The following LCMT1 variants were observed in gnomAD, a reference collection of about 807,000 sequenced individuals.
LCMT1 encodes the protein [Phosphatase 2A protein]-leucine-carboxy methyltransferase 1.
Under a neutral mutation model 47.7 loss-of-function variants are expected in LCMT1, and 32 were observed. The ratio of observed to expected loss-of-function variants is 0.67; its 90% confidence interval spans 0.51 to 0.90. The LOEUF (loss-of-function observed/expected upper bound fraction) is 0.90, where lower values mean the gene tolerates loss of function less well. Among genes scored for constraint, LCMT1 ranks in the 40% least tolerant of loss-of-function variants. The probability of loss-of-function intolerance (pLI) is 0.00; values close to 1 mark genes in which losing one functional copy is unlikely to be tolerated. For missense variants in LCMT1, 375 were observed against 415.2 expected (o/e 0.90, Z 0.84); for synonymous variants, 152 against 149.7 (o/e 1.02, Z -0.11).
At chr16:25,135,308 T>C (rs905461263) in intron 3 of LCMT1, among the ~76,000 whole-genome samples, 2 of 150,948 alleles carry the variant, frequency 1.3e-5, no homozygotes, top group Admixed American at 1.3e-4. Context: ...TATATATATA[T>C]AACATTTGTT....
intron 10 of LCMT1, among the ~76,000 whole-genome samples, chr16:25,175,280 A>G (rs1005867737): frequency 6.6e-6 from 1 of 151,820 alleles, no homozygotes; most frequent in Non-Finnish European, 1.5e-5. Context: ...GGACTACAGG[A>G]GCCTGGCTAA....
rs546803784 is a variant in LCMT1, at chr16:25,168,451, T to G, written c.691-661T>G. On this transcript the variant is annotated intron_variant, in intron 7 of 10. Transcript: ENST00000399069. Reference sequence around the variant, plus strand: ...TATAATTTTGGGTTTTTTAGATTAGTTTTTGTAATTTAAAAAGTAATACCA... The same window carrying G: ...TATAATTTTGGGTTTTTTAGATTAGGTTTTGTAATTTAAAAAGTAATACCA... Among the ~76,000 whole-genome samples the G allele has an allele frequency of 2.5e-3, 378 of 152,338 alleles. 1 individual carries two copies. Among genetic ancestry groups the G allele is most frequent in the South Asian group, 0.011 (51 of 4,828 alleles).
intron 5 of LCMT1, among the ~76,000 whole-genome samples, chr16:25,154,755 G>A (rs531475912): frequency 6.7e-5 from 10 of 149,470 alleles, no homozygotes; most frequent in African/African-American, 2.6e-4. Context: ...CCCAAAGTGC[G>A]GGATTATAGG....
Position 25,161,203 on chromosome 16 carries a change from CA to C in LCMT1, c.569del (p.Gln190HisfsTer6). ...GCTAAAGAAATGTAACATGAATACA[CA>C]GTGAGATTTTTTTTTTTAAACCTCT... is the stretch of plus-strand genomic sequence containing the variant. ...EKLKKCNMNT[Q>X]LPTLLIAECV... is the part of the protein sequence containing the mutation. On this transcript the variant is annotated frameshift_variant and splice_region_variant, in exon 6 of 11. Transcript: ENST00000399069. LOFTEE classifies it high-confidence loss of function. 1 of 1,574,468 alleles carries C rather than the reference CA, an allele frequency of 6.4e-7. No individual in the cohort carries two copies. Among genetic ancestry groups the C allele is most frequent in the Non-Finnish European group, 8.7e-7 (1 of 1,155,402 alleles).
At chr16:25,149,672 G>A (rs1035302462) in intron 4 of LCMT1, among the ~76,000 whole-genome samples, 1 of 152,200 alleles carries the variant, frequency 6.6e-6, no homozygotes, top group African/African-American at 2.4e-5. Flanking sequence ...CCAGCACTTT[G>A]GAAGGCCAAG....
At chr16:25,126,674 G>A (rs1188288249) in intron 1 of LCMT1, among the ~76,000 whole-genome samples, 1 of 152,210 alleles carries the variant, frequency 6.6e-6, no homozygotes, top group Non-Finnish European at 1.5e-5. Flanking sequence ...GGAGGTGAGA[G>A]GATAGAACCT....
chr16:25,144,296 C>G (rs1960784927), intron 4 of LCMT1: 1 of 152,208 alleles, frequency 6.6e-6, no homozygotes, highest in African/African-American at 2.4e-5. Flanking sequence ...TTGTGAGGCT[C>G]TGTTAAGGCC....
intron 2 of LCMT1, among the ~76,000 whole-genome samples, chr16:25,129,412 T>C (rs2141646006): frequency 6.6e-6 from 1 of 152,346 alleles, no homozygotes; most frequent in African/African-American, 2.4e-5. Context: ...TAATCTGTCA[T>C]GTGAAAAATG....
At chr16:25,154,214 A>G (rs1276284850) in intron 5 of LCMT1, among the ~76,000 whole-genome samples, 1 of 150,838 alleles carries the variant, frequency 6.6e-6, no homozygotes, top group African/African-American at 2.4e-5. Context: ...GGGTTTCAGC[A>G]TGTTGGTCAG....
intron 1 of LCMT1, among the ~76,000 whole-genome samples, chr16:25,113,098 G>T (rs1372620858): frequency 3.7e-5 from 5 of 134,804 alleles, no homozygotes; most frequent in Non-Finnish European, 7.6e-5. Context: ...CCAAGATCAC[G>T]CTATTGCACT....
At chr16:25,137,274 TC>T (rs1960530194) in intron 3 of LCMT1, among the ~76,000 whole-genome samples, 1 of 151,984 alleles carries the variant, frequency 6.6e-6, no homozygotes, top group South Asian at 2.1e-4. Flanking sequence ...CCTCAGGTGA[TC>T]CACCTGCCTC....
At chr16:25,138,819 G>T (rs1405787317) in intron 3 of LCMT1, among the ~76,000 whole-genome samples, 1 of 152,122 alleles carries the variant, frequency 6.6e-6, no homozygotes, top group Non-Finnish European at 1.5e-5. Flanking sequence ...AAGCTCTTTG[G>T]ATCCCCGTGT....
intron 5 of LCMT1, among the ~76,000 whole-genome samples, chr16:25,160,313 A>ACC (rs1961387455): frequency 5.2e-4 from 1 of 1,924 alleles, no homozygotes; most frequent in South Asian, 0.12. Context: ...GAGCCTATCA[A>ACC]TCTGGTTTAG....
At chr16:25,118,090 G>C (rs1013370880) in intron 1 of LCMT1, among the ~76,000 whole-genome samples, 1 of 152,124 alleles carries the variant, frequency 6.6e-6, no homozygotes, top group Non-Finnish European at 1.5e-5. Flanking sequence ...CCCGAAATCT[G>C]TATCTCACAC....
intron 1 of LCMT1, among the ~76,000 whole-genome samples, chr16:25,122,549 G>C (rs993938648): frequency 1.3e-5 from 2 of 150,678 alleles, no homozygotes; most frequent in African/African-American, 2.4e-5. Context: ...GGCTGGTCTT[G>C]AACTCCTGGG....
At chr16:25,156,127 G>A (rs1228154836) in intron 5 of LCMT1, among the ~76,000 whole-genome samples, 1 of 152,080 alleles carries the variant, frequency 6.6e-6, no homozygotes, top group Non-Finnish European at 1.5e-5. Flanking sequence ...CTGCTCAGCT[G>A]CCGCTTCCTC....
At chr16:25,157,998 T>A (rs1961311028) in intron 5 of LCMT1, among the ~76,000 whole-genome samples, 1 of 152,244 alleles carries the variant, frequency 6.6e-6, no homozygotes, top group African/African-American at 2.4e-5. Flanking sequence ...AAAGTACACA[T>A]AAAATGAAAT....
At chr16:25,113,818 T>G (rs1959703989) in intron 1 of LCMT1, among the ~76,000 whole-genome samples, 1 of 152,206 alleles carries the variant, frequency 6.6e-6, no homozygotes, top group Non-Finnish European at 1.5e-5. Flanking sequence ...GCATTTTTAG[T>G]GGAGACAGGG....
At chr16:25,149,726 C>T (rs1448746083) in intron 4 of LCMT1, among the ~76,000 whole-genome samples, 2 of 152,080 alleles carry the variant, frequency 1.3e-5, no homozygotes, top group Non-Finnish European at 2.9e-5. Context: ...CCAGCCCAGG[C>T]AACATGGTGA....
Sources: gnomAD v4.1 joint callset for allele counts (sites outside exome capture counted in the v4.1 genomes callset) on GRCh38, gnomAD v4.1.1 for gene constraint, MANE v1.5 for transcripts, NCBI Gene and HGNC (gene_info 2026-07-23, HGNC 2026-07-21) for gene names.